Variants in CHST10 observed in about 807,000 individuals in gnomAD.
CHST10 encodes HNK-1 sulfotransferase.
In CHST10, 24 loss-of-function variants were observed where a neutral mutation model predicts 34.7. The observed-to-expected ratio is 0.69, with a 90% CI of 0.50 to 0.97. The LOEUF is 0.97. CHST10 is among the 50% of genes least tolerant of loss of function. The probability of loss-of-function intolerance (pLI) is 0.00; values close to 1 mark genes in which losing one functional copy is unlikely to be tolerated. For missense variants in CHST10, 402 were observed against 452.1 expected (o/e 0.89, Z 1.00); for synonymous variants, 161 against 169.3 (o/e 0.95, Z 0.38).
chr2:100,411,264 G>A (rs1427607108), intron 2 of CHST10, among the ~76,000 whole-genome samples: 2 of 151,890 alleles, frequency 1.3e-5, no homozygotes, highest in South Asian at 2.1e-4. Flanking sequence ...TTACAGGCAC[G>A]CCACACCTGG....
intron 6 of CHST10, 24 bp from the exon 7 acceptor site, chr2:100,393,806 G>A (rs1305500674): frequency 1.3e-6 from 2 of 1,588,842 alleles, no homozygotes; most frequent in Non-Finnish European, 1.7e-6. Flanking sequence ...CGAACAAGAG[G>A]TTAACTTGAT....
chr2:100,409,687 C>T (rs888403618), intron 2 of CHST10, among the ~76,000 whole-genome samples: 5 of 152,146 alleles, frequency 3.3e-5, no homozygotes, highest in Non-Finnish European at 7.4e-5. Context: ...AAGAGCTCTT[C>T]GGGCTCCCAT....
chr2:100,398,088 C>A lies in CHST10; in HGVS notation c.247G>T (p.Glu83Ter). Residue 83 changes from glutamate (E) to a stop codon, truncating the protein, a stop_gained, in exon 5 of 7, where the codon GAG (glutamate) becomes TAG (stop). Coordinates refer to ENST00000264249, the MANE Select transcript of CHST10 (RefSeq NM_004854.5). LOFTEE classifies it high-confidence loss of function. Reference sequence around the variant, plus strand: ...ACGTTTCTGATGAGTTCCAGGCGCTCCATGTAGACCAGGGGCTGAACGAGC... The same window carrying A: ...ACGTTTCTGATGAGTTCCAGGCGCTACATGTAGACCAGGGGCTGAACGAGC... The part of the protein sequence containing the change: ...SQLVQPLVYM[E>*]RLELIRNVCR... The A allele has an allele frequency of 6.2e-7, 1 of 1,614,062 alleles. No individual in the cohort carries two copies. The highest frequency in any genetic ancestry group is 8.5e-7 in the Non-Finnish European group (1 of 1,180,012).
At chr2:100,402,514 C>CA (rs1380291873) in intron 4 of CHST10, 50 bp downstream of exon 4, 1 of 1,519,524 alleles carries the variant, frequency 6.6e-7, no homozygotes, top group South Asian at 1.1e-5. Flanking sequence ...CTCCCCGCGA[C>CA]AAGGGTGCCG....
chr2:100,411,858 T>C (rs1263017546), intron 2 of CHST10, among the ~76,000 whole-genome samples: 1 of 151,848 alleles, frequency 6.6e-6, no homozygotes, highest in Non-Finnish European at 1.5e-5. Context: ...TTGGGCAGAG[T>C]GGTCTGGGAC....
Position 100,392,243 on chromosome 2 carries a change from G to A in CHST10, c.*1002C>T, listed in dbSNP as rs1029187828. On this transcript the variant is annotated 3_prime_UTR_variant, in exon 7 of 7. Transcript: ENST00000264249. Reference sequence around the variant, plus strand: ...CTGGCAGTGCCCATTTTGCTGAGATGAAAGGAATCGAAATGTATAAACTAC... The same window carrying A: ...CTGGCAGTGCCCATTTTGCTGAGATAAAAGGAATCGAAATGTATAAACTAC... 6.5e-6 allele frequency: 1 copy of A among 152,740 alleles called. No individual in the cohort carries two copies. The highest frequency in any genetic ancestry group is 2.4e-5 in the African/African-American group (1 of 41,466). The allele number at this position is 152,740 out of a possible 1,614,324, so 9.5% of individuals were successfully genotyped here. A position where few individuals can be genotyped will look rare whatever the true frequency, so the allele number is the denominator to read the frequency against.
intron 4 of CHST10, among the ~76,000 whole-genome samples, chr2:100,400,648 T>A (rs1054990277): frequency 2.6e-5 from 4 of 152,364 alleles, no homozygotes; most frequent in Non-Finnish European, 4.4e-5. Context: ...TTTTCTATTT[T>A]CCATTCAAAC....
chr2:100,405,902 C>A (rs923206729), intron 3 of CHST10, among the ~76,000 whole-genome samples: 3 of 152,182 alleles, frequency 2.0e-5, no homozygotes, highest in African/African-American at 7.2e-5. Context: ...CCACAGAGCA[C>A]CTCACCATGC....
chr2:100,417,602 T>TG lies in CHST10; in HGVS notation c.-333dup, dbSNP rs1676123973. 6.6e-6 allele frequency: 1 copy of TG among 151,300 alleles called. No individual in the cohort carries two copies. Among genetic ancestry groups the TG allele is most frequent in the African/African-American group, 2.4e-5 (1 of 41,326 alleles). 9.4% of individuals were successfully genotyped at this position (151,300 alleles called of 1,614,324 possible). ...GACGCCCGGCGCGCTAGACCGGCTT[T>TG]GGGGGCCAGAACGCCGGCACCGCCT... On this transcript the variant is annotated 5_prime_UTR_variant, in exon 1 of 7. Transcript: ENST00000264249.
At chr2:100,396,518 C>T (rs2104316793) in intron 5 of CHST10, among the ~76,000 whole-genome samples, 1 of 152,346 alleles carries the variant, frequency 6.6e-6, no homozygotes, top group African/African-American at 2.4e-5. Flanking sequence ...CCTGGGCCAT[C>T]TGACCAGTGG....
rs895160099 is a variant in CHST10 at position 100,417,589 on chromosome 2, G to C, written c.-319C>G. The C allele has an allele frequency of 6.6e-6, 1 of 151,528 alleles. No homozygotes were observed. The highest frequency in any genetic ancestry group is 2.4e-5 in the African/African-American group (1 of 41,364). The allele number at this position is 151,528 out of a possible 1,614,324, so 9.4% of individuals were successfully genotyped here. Reference sequence around the variant, plus strand: ...CGGAAGTAAGGAAGACGCCCGGCGCGCTAGACCGGCTTTGGGGGCCAGAAC... The same window carrying C: ...CGGAAGTAAGGAAGACGCCCGGCGCCCTAGACCGGCTTTGGGGGCCAGAAC... On this transcript the variant is annotated 5_prime_UTR_variant, in exon 1 of 7. Transcript: ENST00000264249.
In CHST10 at chr2:100,395,527, T is replaced by A. The variant is rs1675016147; in HGVS notation, c.515A>T (p.Asp172Val). ...NGLPRLSSFSDAEIQKRLKTY... is the reference protein window; with the variant it reads ...NGLPRLSSFSVAEIQKRLKTY... ...TTCTCACCGCTTCTGAATTTCTGCA[T>A]CACTGAAGGAAGAGAGCCGAGGAAG... is the stretch of plus-strand genomic sequence containing the variant. Residue 172 changes from aspartate to valine, a missense_variant, in exon 6 of 7, where the codon GAT becomes GTT. Physicochemically the swap from Asp to Val is radical, Grantham distance 152 (BLOSUM62 -3). Coordinates refer to ENST00000264249, the MANE Select transcript of CHST10 (RefSeq NM_004854.5). 2 of 1,613,616 alleles carry A rather than the reference T, an allele frequency of 1.2e-6. No homozygotes were observed. The highest frequency in any genetic ancestry group is 1.7e-5 in the Admixed American group (1 of 60,000).
chr2:100,395,477 TC>T, intron 6 of CHST10, 31 bp downstream of exon 6: 1 of 1,581,678 alleles, frequency 6.3e-7, no homozygotes, highest in Non-Finnish European at 8.7e-7. Context: ...TTACAAAAAC[TC>T]CCCCCTCCCC....
chr2:100,409,335 T>C (rs1675720536), intron 2 of CHST10, among the ~76,000 whole-genome samples: 1 of 152,182 alleles, frequency 6.6e-6, no homozygotes, highest in Non-Finnish European at 1.5e-5. Context: ...TGAAAATGAA[T>C]AGCACCTCTT....
At chr2:100,416,062 G>A (rs1329278487) in intron 1 of CHST10, among the ~76,000 whole-genome samples, 1 of 152,220 alleles carries the variant, frequency 6.6e-6, no homozygotes, top group Admixed American at 6.5e-5. Context: ...TGTTGTATAT[G>A]TGGTCCATCA....
In CHST10 at chr2:100,402,624, C is replaced by T; in HGVS notation, c.132G>A (p.Leu44=). The change falls in exon 4 of 7, where the codon CTG becomes CTA. Residue 44 remains leucine, a synonymous_variant. Coordinates refer to ENST00000264249, the MANE Select transcript of CHST10 (RefSeq NM_004854.5). ...ACTTCCTCACTTCCGGCATGGTTGT[C>T]AGGAACAGAAACTCCTGTTTGGCAC... The part of the protein sequence containing the change: ...VYSAKQEFLF[L]TTMPEVRKLP... 6.2e-7 allele frequency: 1 copy of T among 1,613,942 alleles called. No homozygotes were observed.
intron 4 of CHST10, among the ~76,000 whole-genome samples, chr2:100,400,972 C>T (rs559553335): frequency 6.5e-4 from 99 of 152,354 alleles, no homozygotes; most frequent in African/African-American, 2.3e-3. Flanking sequence ...TGAGGCACCG[C>T]ACCTGGCCAA....
chr2:100,402,618 G>A lies in CHST10; in HGVS notation c.138C>T (p.Thr46=). 6.2e-7 allele frequency: 1 copy of A among 1,613,984 alleles called. No homozygotes were observed. The highest frequency in any genetic ancestry group is 8.5e-7 in the Non-Finnish European group (1 of 1,179,914). The change falls in exon 4 of 7, where the codon ACC becomes ACT. Residue 46 remains threonine, a synonymous_variant. Coordinates refer to ENST00000264249, the MANE Select transcript of CHST10 (RefSeq NM_004854.5). The stretch of plus-strand genomic sequence containing the variant: ...CTGGCAACTTCCTCACTTCCGGCAT[G>A]GTTGTCAGGAACAGAAACTCCTGTT... ...SAKQEFLFLT[T]MPEVRKLPEE...
At chr2:100,399,572 G>A (rs1675241416) in intron 4 of CHST10, among the ~76,000 whole-genome samples, 1 of 152,104 alleles carries the variant, frequency 6.6e-6, no homozygotes, top group African/African-American at 2.4e-5. Context: ...GTCCTCCCAG[G>A]GGACAACGTC....
Sources: allele counts gnomAD v4.1 joint callset (sites outside exome capture counted in the v4.1 genomes callset), GRCh38; gene constraint gnomAD v4.1.1; transcripts MANE v1.5; gene names NCBI Gene and HGNC (gene_info 2026-07-23, HGNC 2026-07-21).